Variants in SLAIN1 observed in about 807,000 individuals in gnomAD.
SLAIN1 encodes SLAIN motif-containing protein 1.
A neutral mutation model predicts 55.4 loss-of-function variants in SLAIN1; 17 were observed. The ratio of observed to expected loss-of-function variants is 0.31; its 90% CI spans 0.21 to 0.46. The LOEUF is 0.46. Among genes scored for constraint, SLAIN1 ranks in the 20% least tolerant of loss-of-function variants. The probability of loss-of-function intolerance (pLI) is 1.00; values close to 1 mark genes in which losing one functional copy is unlikely to be tolerated. For missense variants in SLAIN1, 682 were observed against 785.1 expected, an observed-to-expected ratio of 0.87 and a Z score of 1.57; for synonymous variants, 348 against 337.4, an observed-to-expected ratio of 1.03 and a Z score of -0.35.
chr13:77,711,880 G>A (rs1234695999), intron 1 of SLAIN1, among the ~76,000 whole-genome samples: 1 of 152,104 alleles, frequency 6.6e-6, no homozygotes, highest in East Asian at 1.9e-4. Flanking sequence ...ATCCACCACG[G>A]TCAAGTCGGC....
chr13:77,708,018 C>T (rs1363928725), intron 1 of SLAIN1, among the ~76,000 whole-genome samples: 3 of 152,142 alleles, frequency 2.0e-5, no homozygotes, highest in East Asian at 1.9e-4. Flanking sequence ...TCATCCCTAC[C>T]TTCTATGAAA....
Position 77,741,398 on chromosome 13 carries a change from T to C in SLAIN1, c.767-2885T>C, listed in dbSNP as rs1394823858. The C allele has an allele frequency of 1.1e-5, 11 of 987,374 alleles. No individual in the cohort carries two copies. The African/African-American group carries it at 1.6e-4, about 14-fold the overall frequency. 61.2% of individuals were successfully genotyped at this position (987,374 alleles called of 1,614,324 possible). A position where few individuals can be genotyped will look rare whatever the true frequency, so the allele number is the denominator to read the frequency against. On this transcript the variant is annotated intron_variant, in intron 2 of 6. Coordinates refer to ENST00000418532, the MANE Select transcript of SLAIN1 (RefSeq NM_001242868.2). ...TAGAAGAGAAGGAACTGGAAGTGCA[T>C]GTCTGTGTTCTGGCTCCGATTGGGA... is the stretch of plus-strand genomic sequence containing the variant.
intron 4 of SLAIN1, among the ~76,000 whole-genome samples, chr13:77,751,393 AG>A (rs1874201745): frequency 6.6e-6 from 1 of 152,188 alleles, no homozygotes; most frequent in East Asian, 1.9e-4. Flanking sequence ...TGGGTGGGGA[AG>A]GATTGAGAAG....
At chr13:77,747,212 G>A (rs1158175195) in intron 4 of SLAIN1, among the ~76,000 whole-genome samples, 10 of 151,966 alleles carry the variant, frequency 6.6e-5, no homozygotes, top group Non-Finnish European at 1.5e-4. Flanking sequence ...CAAAGTGCTG[G>A]GATGACAGCC....
At chr13:77,738,221 T>TACATATATGC (rs145860394) in intron 2 of SLAIN1, among the ~76,000 whole-genome samples, 66 of 150,460 alleles carry the variant, frequency 4.4e-4, no homozygotes, top group African/African-American at 1.5e-3. Flanking sequence ...CATATACACA[T>TACATATATGC]ACATATATAC....
chr13:77,703,760 A>G (rs1485242129), intron 1 of SLAIN1, among the ~76,000 whole-genome samples: 3 of 151,710 alleles, frequency 2.0e-5, no homozygotes, highest in Non-Finnish European at 4.4e-5. Context: ...AGATTCGTTG[A>G]TCGTGCTTAT....
chr13:77,763,199 T>C lies in SLAIN1; in HGVS notation c.1752T>C (p.Asn584=), dbSNP rs759287429. Residue 584 remains asparagine, a synonymous_variant, in exon 7 of 7, where the codon AAT becomes AAC. Transcript: ENST00000418532. ...LSSLSTLRDG[N]WRDGCY Reference sequence around the variant, plus strand: ...CACTCAGCACTCTGAGGGATGGAAATTGGAGAGATGGTTGCTACTAATGCA... The same window carrying C: ...CACTCAGCACTCTGAGGGATGGAAACTGGAGAGATGGTTGCTACTAATGCA... 8 of 1,613,922 alleles carry C rather than the reference T, an allele frequency of 5.0e-6. No homozygotes were observed. The highest frequency in any genetic ancestry group is 6.8e-6 in the Non-Finnish European group (8 of 1,179,914).
At chr13:77,743,071 T>A in intron 2 of SLAIN1, 1 of 1,303,044 alleles carries the variant, frequency 7.7e-7, no homozygotes, top group Non-Finnish European at 1.0e-6. Context: ...TTCCTTATAG[T>A]CCTGTTGCAA....
chr13:77,754,874 T>A (rs1239534407), intron 5 of SLAIN1, among the ~76,000 whole-genome samples: 4 of 152,300 alleles, frequency 2.6e-5, no homozygotes, highest in Non-Finnish European at 5.9e-5. Flanking sequence ...CATAAGGAAC[T>A]CTCAGTGAAT....
At chr13:77,714,860 C>T (rs61963711) in intron 1 of SLAIN1, among the ~76,000 whole-genome samples, 5 of 151,990 alleles carry the variant, frequency 3.3e-5, no homozygotes, top group African/African-American at 4.8e-5. Flanking sequence ...CTTGCTACCT[C>T]CAACCCAGGC....
chr13:77,743,947 T>A (rs1362084753), intron 2 of SLAIN1, among the ~76,000 whole-genome samples: 5 of 152,072 alleles, frequency 3.3e-5, no homozygotes, highest in African/African-American at 1.2e-4. Flanking sequence ...CCTTTAGATA[T>A]ATACATATCT....
chr13:77,720,501 C>T (rs1006444587), intron 2 of SLAIN1, among the ~76,000 whole-genome samples: 1 of 152,138 alleles, frequency 6.6e-6, no homozygotes, highest in Non-Finnish European at 1.5e-5. Context: ...GAGAACGCTG[C>T]CCATGAAGCT....
At chr13:77,725,242 A>G (rs1045709421) in intron 2 of SLAIN1, among the ~76,000 whole-genome samples, 2 of 152,208 alleles carry the variant, frequency 1.3e-5, no homozygotes, top group South Asian at 4.1e-4. Context: ...ATTCACAAGC[A>G]TGTTTACTCT....
chr13:77,760,745 T>C, intron 5 of SLAIN1, 83 bp from the exon 6 acceptor site: 1 of 1,449,746 alleles, frequency 6.9e-7, no homozygotes, highest in Non-Finnish European at 9.5e-7. Context: ...TCAGGCATAA[T>C]GGACTCTTCT....
At chr13:77,723,036 C>G (rs771325109) in intron 2 of SLAIN1, among the ~76,000 whole-genome samples, 20 of 152,208 alleles carry the variant, frequency 1.3e-4, no homozygotes, top group Non-Finnish European at 2.6e-4. Context: ...GCGTGAGCCA[C>G]TGTGCCCAGC....
At chr13:77,742,933 TTA>T in intron 2 of SLAIN1, 2 of 868,484 alleles carry the variant, frequency 2.3e-6, no homozygotes, top group South Asian at 3.0e-5. Flanking sequence ...TTTTTTTTTT[TTA>T]TTCTCTTCCC....
intron 1 of SLAIN1, among the ~76,000 whole-genome samples, chr13:77,705,945 G>C (rs1205047623): frequency 1.3e-5 from 2 of 152,078 alleles, no homozygotes; most frequent in East Asian, 3.9e-4. Flanking sequence ...CTCTGAAAAT[G>C]ATCACTTCTG....
chr13:77,717,745 T>C (rs1000296244), intron 1 of SLAIN1, among the ~76,000 whole-genome samples: 1 of 152,172 alleles, frequency 6.6e-6, no homozygotes, highest in Non-Finnish European at 1.5e-5. Flanking sequence ...AGATGTGGTC[T>C]CCAGACCGGT....
At chr13:77,720,642 A>G (rs1489719561) in intron 2 of SLAIN1, among the ~76,000 whole-genome samples, 1 of 152,170 alleles carries the variant, frequency 6.6e-6, no homozygotes, top group African/African-American at 2.4e-5. Context: ...AGTGTAACTG[A>G]ACTCATCTTT....
Sources: allele counts gnomAD v4.1 joint callset (sites outside exome capture counted in the v4.1 genomes callset), GRCh38; gene constraint gnomAD v4.1.1; transcripts MANE v1.5; gene names NCBI Gene and HGNC (gene_info 2026-07-23, HGNC 2026-07-21).